SLC41A3: variants seen among roughly 807,000 people sequenced by gnomAD.
SLC41A3 encodes the protein solute carrier family 41 member 3, also known as SLC41A1-like 2.
A neutral mutation model predicts 45.4 loss-of-function variants in SLC41A3; 44 were observed. The observed-to-expected ratio is 0.97, with a 90% CI of 0.76 to 1.25. The LOEUF (loss-of-function observed/expected upper bound fraction) is 1.25, where lower values mean the gene tolerates loss of function less well. Among genes scored for constraint, SLC41A3 ranks in the 50% most tolerant of loss-of-function variants. The probability of loss-of-function intolerance (pLI) is 0.00; values close to 1 mark genes in which losing one functional copy is unlikely to be tolerated. For missense variants in SLC41A3, 550 were observed against 600.6 expected (o/e 0.92, Z 0.88); for synonymous variants, 256 against 252.4 (o/e 1.01, Z -0.13).
intron 3 of SLC41A3, among the ~76,000 whole-genome samples, chr3:126,036,167 T>C (rs891513691): frequency 6.6e-6 from 1 of 152,228 alleles, no homozygotes; most frequent in Non-Finnish European, 1.5e-5. Context: ...TTCTAAGCCT[T>C]TCCTTATTGT....
At chr3:126,072,030 C>G (rs951733439) in intron 1 of SLC41A3, among the ~76,000 whole-genome samples, 1 of 152,096 alleles carries the variant, frequency 6.6e-6, no homozygotes, top group African/African-American at 2.4e-5. Context: ...TCACCTCGGC[C>G]TCCCAAAGTG....
At chr3:126,022,746 C>T in intron 6 of SLC41A3, 40 bp downstream of exon 6, 1 of 1,611,440 alleles carries the variant, frequency 6.2e-7, no homozygotes, top group Middle Eastern at 1.7e-4. Flanking sequence ...GGCCCCCCCT[C>T]CACGGAGCCT....
At chr3:126,015,448 G>T in intron 8 of SLC41A3, 46 bp downstream of exon 8, 1 of 1,601,404 alleles carries the variant, frequency 6.2e-7, no homozygotes, top group Non-Finnish European at 8.6e-7. Context: ...CAATCCTGTG[G>T]GCCTACCCAA....
intron 6 of SLC41A3, among the ~76,000 whole-genome samples, chr3:126,017,739 T>G (rs529005214): frequency 8.5e-5 from 13 of 152,166 alleles, no homozygotes; most frequent in Admixed American, 4.6e-4. Flanking sequence ...CTGTGTCCCA[T>G]GTACTCCCTC....
chr3:126,059,299 AAAGAAAGAAAGG>A lies in SLC41A3; in HGVS notation c.274-8261_274-8250del, dbSNP rs1559870012. Among the ~76,000 whole-genome samples, 571 of 123,942 alleles carry A rather than the reference AAAGAAAGAAAGG, an allele frequency of 4.6e-3. 36 individuals carry two copies. Among genetic ancestry groups the A allele is most frequent in the Non-Finnish European group, 6.1e-3 (340 of 55,536 alleles). The allele number at this position is 123,942 out of a possible 152,430, so 81.3% of individuals were successfully genotyped here. ...GAAAGAAAGAAAGAAAGAAAGAAAG[AAAGAAAGAAAGG>A]AAGGATGATCTGTGATAAGTGCTCT... On this transcript the variant is annotated intron_variant, in intron 2 of 10. Coordinates refer to ENST00000360370, the MANE Select transcript of SLC41A3 (RefSeq NM_017836.4).
chr3:126,012,170 C>T (rs1308589044), intron 9 of SLC41A3, among the ~76,000 whole-genome samples: 3 of 152,216 alleles, frequency 2.0e-5, no homozygotes, highest in Non-Finnish European at 4.4e-5. Flanking sequence ...CCCTGAAAGC[C>T]CCTTCTTCTC....
chr3:126,038,260 T>TCC (rs1405949365), intron 3 of SLC41A3, among the ~76,000 whole-genome samples: 1 of 152,224 alleles, frequency 6.6e-6, no homozygotes, highest in East Asian at 1.9e-4. Context: ...ACTTGGCCAA[T>TCC]GCCTAGTGGA....
chr3:126,083,295 C>T (rs34634423), intron 1 of SLC41A3, among the ~76,000 whole-genome samples: 5,943 of 152,238 alleles, frequency 0.039, 143 homozygotes, highest in Non-Finnish European at 0.054. Flanking sequence ...AAAGGCAGTG[C>T]TGCTGGTCCT....
chr3:126,013,654 T>C (rs1043619494), intron 8 of SLC41A3, among the ~76,000 whole-genome samples: 9 of 151,988 alleles, frequency 5.9e-5, no homozygotes, highest in Non-Finnish European at 8.8e-5. Flanking sequence ...GAGACATGCC[T>C]GGGACACCTC....
At chr3:126,015,622 G>A (rs9862310) in intron 7 of SLC41A3, 49 bp from the exon 8 acceptor site, 445,284 of 1,571,970 alleles carry the variant, frequency 0.28, 65,991 homozygotes, top group African/African-American at 0.51. Context: ...TACACTTACA[G>A]TGGCCCTGCA....
intron 3 of SLC41A3, among the ~76,000 whole-genome samples, chr3:126,042,211 G>A (rs1198222031): frequency 1.3e-5 from 2 of 152,112 alleles, no homozygotes; most frequent in Non-Finnish European, 2.9e-5. Context: ...CGTGCCTGGG[G>A]GAAAGAGATT....
rs1423653737 is a variant in SLC41A3, at chr3:126,006,448, A to G, written c.*568T>C. On this transcript the variant is annotated 3_prime_UTR_variant, in exon 11 of 11. Transcript: ENST00000360370. Reference sequence around the variant, plus strand: ...GCTAACAAACAAAAAGGAAAATAAAAAGACAGCAAGGACACGATTAAATGT... The same window carrying G: ...GCTAACAAACAAAAAGGAAAATAAAGAGACAGCAAGGACACGATTAAATGT... The G allele has an allele frequency of 3.1e-6, 5 of 1,612,856 alleles. No homozygotes were observed. Among genetic ancestry groups the G allele is most frequent in the East Asian group, 4.5e-5 (2 of 44,888 alleles).
At chr3:126,077,119 T>C (rs938017003) in intron 1 of SLC41A3, among the ~76,000 whole-genome samples, 1 of 152,218 alleles carries the variant, frequency 6.6e-6, no homozygotes, top group African/African-American at 2.4e-5. Flanking sequence ...TGCTCATGCC[T>C]GTAATACCAG....
At chr3:126,056,866 T>C in intron 2 of SLC41A3, 1 of 1,178,712 alleles carries the variant, frequency 8.5e-7, no homozygotes, top group Non-Finnish European at 1.1e-6. Flanking sequence ...GACCTCCCTC[T>C]GCCAGTCTGC....
Position 126,026,189 on chromosome 3 carries a change from C to A in SLC41A3, c.598+146G>T. 1 of 1,306,748 alleles carries A rather than the reference C, an allele frequency of 7.7e-7. No individual in the cohort carries two copies. Among genetic ancestry groups the A allele is most frequent in the African/African-American group, 1.5e-5 (1 of 67,272 alleles). The allele number at this position is 1,306,748 out of a possible 1,614,324, so 80.9% of individuals were successfully genotyped here. On this transcript the variant is annotated intron_variant, in intron 5 of 10. Coordinates refer to ENST00000360370, the MANE Select transcript of SLC41A3 (RefSeq NM_017836.4). The surrounding 1 kb of genome is among the most constrained non-coding windows in gnomAD (Gnocchi z 4.2). ...ATGAAGACCCAGCTGGCTCGTCCCACCCTGCCAGTGAGAACCCTGAGCCCA... is the reference window on the plus strand; with the variant it reads ...ATGAAGACCCAGCTGGCTCGTCCCAACCTGCCAGTGAGAACCCTGAGCCCA...
chr3:126,028,868 G>A (rs1941579667), intron 4 of SLC41A3, among the ~76,000 whole-genome samples: 1 of 152,254 alleles, frequency 6.6e-6, no homozygotes. Flanking sequence ...TTATTTGGGA[G>A]CTTTAAAATT....
At chr3:126,033,544 T>C (rs141723307) in intron 4 of SLC41A3, 63 bp downstream of exon 4, 35 of 1,569,848 alleles carry the variant, frequency 2.2e-5, no homozygotes, top group Non-Finnish European at 3.0e-5. Flanking sequence ...GCCTTCACCC[T>C]TCCCACCTGG....
At chr3:126,098,971 T>C (rs1271787642) in intron 1 of SLC41A3, among the ~76,000 whole-genome samples, 2 of 146,252 alleles carry the variant, frequency 1.4e-5, no homozygotes, top group African/African-American at 5.2e-5. Flanking sequence ...GAGACGAGGT[T>C]TTGCCATGTT....
At chr3:126,007,880 A>G (rs1939270929) in intron 10 of SLC41A3, among the ~76,000 whole-genome samples, 1 of 152,204 alleles carries the variant, frequency 6.6e-6, no homozygotes, top group South Asian at 2.1e-4. Context: ...CTCCCTGCAA[A>G]GGCCCCAGAC....
Sources: gnomAD v4.1 joint callset for allele counts (sites outside exome capture counted in the v4.1 genomes callset) on GRCh38, gnomAD v4.1.1 for gene constraint, Gnocchi (gnomAD v3.1) non-coding constraint, MANE v1.5 for transcripts, NCBI Gene and HGNC (gene_info 2026-07-23, HGNC 2026-07-21) for gene names.